The following PTGER4 variants were observed in gnomAD, a reference collection of about 807,000 sequenced individuals.
PTGER4 encodes prostaglandin E receptor 4.
In PTGER4, 11 loss-of-function variants were observed where a neutral mutation model predicts 33.2. That is an observed-to-expected ratio of 0.33 (90% confidence interval 0.21 to 0.55). PTGER4 has a LOEUF of 0.55. PTGER4 is among the 20% of genes least tolerant of loss of function. PTGER4 has a pLI of 0.92. For missense variants in PTGER4, 481 were observed against 650.2 expected, an observed-to-expected ratio of 0.74 and a Z score of 2.83; for synonymous variants, 275 against 281.5, an observed-to-expected ratio of 0.98 and a Z score of 0.23.
chr5:40,738,574 TAAA>T, the PTGER4 span, among the ~76,000 whole-genome samples: 9 of 137,014 alleles, frequency 6.6e-5, no homozygotes, highest in African/African-American at 1.4e-4. Context: ...AAATATAAAA[TAAA>T]ATAAAATAAA....
the PTGER4 span, among the ~76,000 whole-genome samples, chr5:40,733,849 C>A: frequency 2.6e-5 from 4 of 152,172 alleles, no homozygotes; most frequent in African/African-American, 7.2e-5. Flanking sequence ...ATGACCATCA[C>A]TAGTTTTTTC....
At chr5:40,695,457 A>T (rs1208683728), downstream of PTGER4, among the ~76,000 whole-genome samples, 1 of 152,098 alleles carries the variant, frequency 6.6e-6, no homozygotes, top group Non-Finnish European at 1.5e-5. Context: ...GAGGCAGGAG[A>T]ATCGTTTAAA....
chr5:40,737,954 C>G, the PTGER4 span, among the ~76,000 whole-genome samples: 7 of 152,292 alleles, frequency 4.6e-5, no homozygotes, highest in East Asian at 1.4e-3. Context: ...CATTCATTCA[C>G]CTGCTGATGA....
chr5:40,721,293 G>A, the PTGER4 span, among the ~76,000 whole-genome samples: 1 of 152,108 alleles, frequency 6.6e-6, no homozygotes, highest in Non-Finnish European at 1.5e-5. Flanking sequence ...AAAGTAAATG[G>A]ACAAAATCAA....
the PTGER4 span, among the ~76,000 whole-genome samples, chr5:40,708,270 T>C: frequency 6.6e-6 from 1 of 151,702 alleles, no homozygotes; most frequent in African/African-American, 2.4e-5. Context: ...ATCAACAGAA[T>C]GGATAGACCG....
chr5:40,741,285 GA>G, the PTGER4 span, among the ~76,000 whole-genome samples: 368 of 152,270 alleles, frequency 2.4e-3, no homozygotes, highest in African/African-American at 8.5e-3. Context: ...TCCCTCTAGG[GA>G]TAGTGTAGTC....
chr5:40,721,681 C>A, the PTGER4 span, among the ~76,000 whole-genome samples: 10 of 145,452 alleles, frequency 6.9e-5, no homozygotes, highest in African/African-American at 2.4e-4. Flanking sequence ...ACAAAAAAAA[C>A]AAAAACAAAA....
At chr5:40,688,616 C>T (rs1350945941) in intron 2 of PTGER4, among the ~76,000 whole-genome samples, 3 of 152,208 alleles carry the variant, frequency 2.0e-5, no homozygotes, top group Non-Finnish European at 4.4e-5. Flanking sequence ...CTAAGTTCCT[C>T]AAAACCTCTG....
the PTGER4 span, among the ~76,000 whole-genome samples, chr5:40,735,750 G>C: frequency 6.6e-6 from 1 of 152,228 alleles, no homozygotes; most frequent in African/African-American, 2.4e-5. Context: ...TGGAAGATGA[G>C]AGAGCAGTGT....
downstream of PTGER4, among the ~76,000 whole-genome samples, chr5:40,696,968 A>AAGAGAG (rs145461385): frequency 1.9e-5 from 2 of 104,494 alleles, no homozygotes; most frequent in Non-Finnish European, 3.9e-5. Flanking sequence ...GAGAGAAAGA[A>AAGAGAG]AGAGAGAGAG....
Position 40,681,532 on chromosome 5 carries a change from C to T in PTGER4, c.539C>T (p.Ala180Val). 2 of 1,612,686 alleles carry T rather than the reference C, an allele frequency of 1.2e-6. No homozygotes were observed. Among genetic ancestry groups the T allele is most frequent in the Non-Finnish European group, 8.5e-7 (1 of 1,180,032 alleles). The change falls in exon 2 of 3, where the codon GCG becomes GTG. Residue 180 changes from alanine (A) to valine (V), a missense_variant. By Grantham distance (64) the Ala-to-Val change is moderately conservative. This residue lies in a region of PTGER4 where 174 missense variants were observed against 210.5 expected (regional missense o/e 0.83). Transcript: ENST00000302472. This position sits in a 1 kb window ranked among gnomAD's most constrained non-coding sequence, Gnocchi z 9.8. The stretch of plus-strand genomic sequence containing the variant: ...ATCGACTGGACCACCAACGTGACGG[C>T]GCACGCCGCCTACTCCTACATGTAC... Reference protein sequence around the residue: ...CFIDWTTNVTAHAAYSYMYAG... With the variant: ...CFIDWTTNVTVHAAYSYMYAG...
chr5:40,731,141 T>C, the PTGER4 span, among the ~76,000 whole-genome samples: 1 of 152,194 alleles, frequency 6.6e-6, no homozygotes, highest in Admixed American at 6.5e-5. Context: ...TATTCCTTCA[T>C]AACAATCCTT....
rs1741507428 is a variant in PTGER4 at position 40,692,774 on chromosome 5, G to A, written c.*396G>A. On this transcript the variant is annotated 3_prime_UTR_variant, in exon 3 of 3. Transcript: ENST00000302472. The stretch of plus-strand genomic sequence containing the variant: ...CAATAAACTATGAGGACTGCCTTAT[G>A]GATGATTTAAGTGTCTCACTAAAGC... 1 of 995,996 alleles carries A rather than the reference G, an allele frequency of 1.0e-6. No individual in the cohort carries two copies. 61.7% of individuals were successfully genotyped at this position (995,996 alleles called of 1,614,324 possible).
Position 40,681,813 on chromosome 5 carries a change from C to A in PTGER4, c.820C>A (p.Leu274Ile). ...AGAEIQMVIL[L>I]IATSLVVLIC... ...CGCCGAGATCCAGATGGTCATCTTACTCATTGCCACCTCCCTGGTGGTGCT... is the reference window on the plus strand; with the variant it reads ...CGCCGAGATCCAGATGGTCATCTTAATCATTGCCACCTCCCTGGTGGTGCT... The change falls in exon 2 of 3, where the codon CTC (leucine) becomes ATC (isoleucine). Residue 274 changes from leucine (L) to isoleucine (I), a missense_variant. Physicochemically the swap from Leu to Ile is conservative, Grantham distance 5. Around this residue, in one of 7 missense-constraint regions of PTGER4, gnomAD observed 174 missense variants for 210.5 expected, o/e 0.83. Coordinates refer to ENST00000302472, the MANE Select transcript of PTGER4 (RefSeq NM_000958.3). The surrounding 1 kb of genome is among the most constrained non-coding windows in gnomAD (Gnocchi z 9.8). The A allele has an allele frequency of 6.3e-7, 1 of 1,584,312 alleles. No individual in the cohort carries two copies. Among genetic ancestry groups the A allele is most frequent in the Non-Finnish European group, 8.6e-7 (1 of 1,169,088 alleles).
chr5:40,734,311 A>G, the PTGER4 span, among the ~76,000 whole-genome samples: 1 of 95,016 alleles, frequency 1.1e-5, no homozygotes, highest in Non-Finnish European at 2.2e-5. Context: ...ATTCAACTTC[A>G]GTTTGGAACA....
At chr5:40,696,652 GC>G (rs1219445561), downstream of PTGER4, 2 of 983,848 alleles carry the variant, frequency 2.0e-6, no homozygotes, top group East Asian at 2.3e-4. Context: ...ACCTTGCCAG[GC>G]CATCAACCCC....
chr5:40,710,948 A>G, the PTGER4 span, among the ~76,000 whole-genome samples: 2 of 152,042 alleles, frequency 1.3e-5, no homozygotes, highest in Non-Finnish European at 2.9e-5. Flanking sequence ...GAAAGGGGAG[A>G]GATAGCATTA....
At chr5:40,697,583 C>CAAAAA (rs768811169), downstream of PTGER4, among the ~76,000 whole-genome samples, 1 of 94,756 alleles carries the variant, frequency 1.1e-5, no homozygotes, top group African/African-American at 4.8e-5. Flanking sequence ...AATTCCATCT[C>CAAAAA]AAAAAAAAAA....
chr5:40,697,092 AAG>A (rs200191058), downstream of PTGER4, among the ~76,000 whole-genome samples: 1 of 74,634 alleles, frequency 1.3e-5, no homozygotes, highest in African/African-American at 5.9e-5. Context: ...GAAGGAAAGA[AAG>A]AGAAAAGAAA....
Sources: allele counts gnomAD v4.1 joint callset (sites outside exome capture counted in the v4.1 genomes callset), GRCh38; gene constraint gnomAD v4.1.1; regional missense constraint gnomAD v4.1.1; non-coding constraint Gnocchi (gnomAD v3.1); transcripts MANE v1.5; gene names NCBI Gene and HGNC (gene_info 2026-07-23, HGNC 2026-07-21).